CTDNEP1: variants seen among roughly 807,000 people sequenced by gnomAD.
The protein encoded by CTDNEP1 is C-terminal domain nuclear envelope phosphatase 1.
In CTDNEP1, 3 loss-of-function variants were observed where a neutral mutation model predicts 30.1. That is an observed-to-expected ratio of 0.10 (90% confidence interval 0.05 to 0.26). CTDNEP1 has a LOEUF of 0.26. CTDNEP1 is among the 10% of genes least tolerant of loss of function. The pLI, the probability that CTDNEP1 is intolerant of heterozygous loss-of-function variation, is 1.00. For synonymous variants in CTDNEP1, 123 were observed against 118.8 expected (o/e 1.04, Z -0.23); for missense variants, 158 against 310.4 (o/e 0.51, Z 3.69).
Position 7,246,613 on chromosome 17 carries a change from T to C in CTDNEP1, c.360+178A>G. 2.9e-6 allele frequency: 2 copies of C among 681,532 alleles called. No individual in the cohort carries two copies. Among genetic ancestry groups the C allele is most frequent in the East Asian group, 4.9e-5 (2 of 40,404 alleles). The allele number at this position is 681,532 out of a possible 1,614,324, so 42.2% of individuals were successfully genotyped here. Reference sequence around the variant, plus strand: ...AAGATGCCAGCGGAAAAGAATTACATCAGCACAACAAATGAACCCCAAGTA... The same window carrying C: ...AAGATGCCAGCGGAAAAGAATTACACCAGCACAACAAATGAACCCCAAGTA... On this transcript the variant is annotated intron_variant, in intron 4 of 7. Coordinates refer to ENST00000574322, the MANE Select transcript of CTDNEP1 (RefSeq NM_001143775.2). The surrounding 1 kb of genome is among the most constrained non-coding windows in gnomAD (Gnocchi z 4.9).
At chr17:7,245,102 C>G (rs2071818750) in intron 6 of CTDNEP1, among the ~76,000 whole-genome samples, 1 of 152,110 alleles carries the variant, frequency 6.6e-6, no homozygotes, top group Non-Finnish European at 1.5e-5. Flanking sequence ...ACCAGCCTGG[C>G]CAACGTGGTG....
At chr17:7,248,180 G>T (rs970942972) in intron 1 of CTDNEP1, among the ~76,000 whole-genome samples, 3 of 131,654 alleles carry the variant, frequency 2.3e-5, no homozygotes, top group African/African-American at 8.4e-5. Flanking sequence ...AGAGTGGCTT[G>T]AACCCAGGAG....
rs2071805831 is a variant in CTDNEP1 at position 7,243,847 on chromosome 17, C to T, written c.*338G>A. The T allele has an allele frequency of 1.2e-6, 1 of 813,948 alleles. No homozygotes were observed. Among genetic ancestry groups the T allele is most frequent in the Non-Finnish European group, 1.6e-6 (1 of 636,560 alleles). The allele number at this position is 813,948 out of a possible 1,614,324, so 50.4% of individuals were successfully genotyped here. ...TCAAATCACAACAAAGCTGACTTGG[C>T]TTCTCTTTGAGCCTCCTGGATCACC... On this transcript the variant is annotated 3_prime_UTR_variant, in exon 8 of 8. Coordinates refer to ENST00000574322, the MANE Select transcript of CTDNEP1 (RefSeq NM_001143775.2).
chr17:7,246,431 G>C lies in CTDNEP1; in HGVS notation c.361-61C>G. The C allele has an allele frequency of 8.1e-7, 1 of 1,235,226 alleles. No individual in the cohort carries two copies. The allele number at this position is 1,235,226 out of a possible 1,614,324, so 76.5% of individuals were successfully genotyped here. On this transcript the variant is annotated intron_variant, in intron 4 of 7. Transcript: ENST00000574322. This position sits in a 1 kb window ranked among gnomAD's most constrained non-coding sequence, Gnocchi z 4.9. ...AGGTGATGATTCCTTTAGACATACA[G>C]TTATCTTTCAGAAAGGCAATGGCAT...
chr17:7,244,101 C>T lies in CTDNEP1; in HGVS notation c.*84G>A. 1.3e-6 allele frequency: 2 copies of T among 1,589,508 alleles called. No homozygotes were observed. Among genetic ancestry groups the T allele is most frequent in the Admixed American group, 3.4e-5 (2 of 58,652 alleles). On this transcript the variant is annotated 3_prime_UTR_variant, in exon 8 of 8. Transcript: ENST00000574322. ...GCAGACCCTGCCCAGGCAGTCCTCA[C>T]ATTGGACAGGGCATCAGACGGCATC...
At chr17:7,248,400 C>T (rs1376060272) in intron 1 of CTDNEP1, among the ~76,000 whole-genome samples, 4 of 141,676 alleles carry the variant, frequency 2.8e-5, no homozygotes, top group African/African-American at 1.1e-4. Context: ...CACTCCATTG[C>T]CCAGGCTGGA....
chr17:7,250,004 A>G (rs774638826), intron 1 of CTDNEP1, among the ~76,000 whole-genome samples: 7 of 152,048 alleles, frequency 4.6e-5, no homozygotes, highest in Non-Finnish European at 7.4e-5. Flanking sequence ...TCTCGGGGGA[A>G]TAGCGCTGCT....
chr17:7,246,770 C>G lies in CTDNEP1; in HGVS notation c.360+21G>C. ...AACCATTCCTTCATTACAGAGCTCC[C>G]TTTAGCTCTCCAAAACTCACCACTT... On this transcript the variant is annotated intron_variant, in intron 4 of 7. Transcript: ENST00000574322. This position sits in a 1 kb window ranked among gnomAD's most constrained non-coding sequence, Gnocchi z 4.9. 1 of 1,597,646 alleles carries G rather than the reference C, an allele frequency of 6.3e-7. No homozygotes were observed. The highest frequency in any genetic ancestry group is 8.6e-7 in the Non-Finnish European group (1 of 1,165,164).
chr17:7,247,436 G>A (rs1010314060), intron 1 of CTDNEP1, 93 bp from the exon 2 acceptor site: 5 of 924,166 alleles, frequency 5.4e-6, no homozygotes, highest in African/African-American at 4.9e-5. Flanking sequence ...TTTACCACAG[G>A]TACTATGTAT....
chr17:7,247,805 T>TA (rs2071862870), intron 1 of CTDNEP1, among the ~76,000 whole-genome samples: 1 of 152,068 alleles, frequency 6.6e-6, no homozygotes, highest in African/African-American at 2.4e-5. Context: ...ATATTACTGT[T>TA]ATACCTGTTT....
chr17:7,243,864 TG>T lies in CTDNEP1; in HGVS notation c.*320del, dbSNP rs2071806076. On this transcript the variant is annotated 3_prime_UTR_variant, in exon 8 of 8. Transcript: ENST00000574322. ...TGACTTGGCTTCTCTTTGAGCCTCC[TG>T]GATCACCGTATGTCTGTCACTCTGG... 4.0e-6 allele frequency: 4 copies of T among 1,008,864 alleles called. No individual in the cohort carries two copies. The highest frequency in any genetic ancestry group is 5.1e-5 in the East Asian group (1 of 19,418). 62.5% of individuals were successfully genotyped at this position (1,008,864 alleles called of 1,614,324 possible). A position where few individuals can be genotyped will look rare whatever the true frequency, so the allele number is the denominator to read the frequency against.
At position 7,247,086 on chromosome 17, in the gene CTDNEP1, G is replaced by A. The variant is rs759399442; in HGVS notation, c.266C>T (p.Thr89Met). 59 of 1,612,194 alleles carry A rather than the reference G, an allele frequency of 3.7e-5. No homozygotes were observed. The South Asian group carries it at 4.9e-4, about 14-fold the overall frequency. ...GVLRPTVRPG[T>M]PPDFILKVVI... ...CACCTTGAGGATGAAGTCAGGAGGC[G>A]TACCAGGCCGGACTGTGGGCCTCAG... Residue 89 changes from threonine (T) to methionine (M), a missense_variant, in exon 3 of 8, where the codon ACG (threonine) becomes ATG (methionine). Coordinates refer to ENST00000574322, the MANE Select transcript of CTDNEP1 (RefSeq NM_001143775.2).
Position 7,247,060 on chromosome 17 carries a change from A to T in CTDNEP1, c.288+4T>A, listed in dbSNP as rs777180954. 3.0e-5 allele frequency: 48 copies of T among 1,602,764 alleles called. No individual in the cohort carries two copies. Among genetic ancestry groups the T allele is most frequent in the Middle Eastern group, 4.2e-4 (2 of 4,766 alleles). On this transcript the variant is annotated splice_donor_region_variant and intron_variant, in intron 3 of 7. Coordinates refer to ENST00000574322, the MANE Select transcript of CTDNEP1 (RefSeq NM_001143775.2). ...CCATTTCATCACTCCCCACCACCAC[A>T]CACCTTGAGGATGAAGTCAGGAGGC... is the stretch of plus-strand genomic sequence containing the variant.
At position 7,251,413 on chromosome 17, in the gene CTDNEP1, C is replaced by T; in HGVS notation, c.-117G>A. 1 of 595,396 alleles carries T rather than the reference C, an allele frequency of 1.7e-6. No homozygotes were observed. Among genetic ancestry groups the T allele is most frequent in the Non-Finnish European group, 2.6e-6 (1 of 380,792 alleles). 36.9% of individuals were successfully genotyped at this position (595,396 alleles called of 1,614,324 possible). ...CGGGGGCCCCGAGTGGCAGGAGAGG[C>T]TGCAGAGAGGGGCACGGAGCGGGCG... is the stretch of plus-strand genomic sequence containing the variant. On this transcript the variant is annotated 5_prime_UTR_variant, in exon 1 of 8. Transcript: ENST00000574322.
At position 7,246,985 on chromosome 17, in the gene CTDNEP1, C is replaced by T; in HGVS notation, c.288+79G>A. The T allele has an allele frequency of 7.1e-7, 1 of 1,413,114 alleles. No individual in the cohort carries two copies. Among genetic ancestry groups the T allele is most frequent in the Non-Finnish European group, 1.0e-6 (1 of 1,002,258 alleles). 87.5% of individuals were successfully genotyped at this position (1,413,114 alleles called of 1,614,324 possible). A position where few individuals can be genotyped will look rare whatever the true frequency, so the allele number is the denominator to read the frequency against. Reference sequence around the variant, plus strand: ...TGGTGCCAGCGGATGGAGACAGATGCTCTGGGACTGGGAAAGGGAGTCCAG... The same window carrying T: ...TGGTGCCAGCGGATGGAGACAGATGTTCTGGGACTGGGAAAGGGAGTCCAG... On this transcript the variant is annotated intron_variant, in intron 3 of 7. Transcript: ENST00000574322. The surrounding 1 kb of genome is among the most constrained non-coding windows in gnomAD (Gnocchi z 4.9).
intron 1 of CTDNEP1, among the ~76,000 whole-genome samples, chr17:7,250,542 C>A (rs1043832144): frequency 2.0e-5 from 3 of 152,290 alleles, no homozygotes; most frequent in South Asian, 2.1e-4. Context: ...GGGCACAGCA[C>A]CCACCTTGAA....
At chr17:7,250,627 C>T (rs886693080) in intron 1 of CTDNEP1, among the ~76,000 whole-genome samples, 1 of 152,210 alleles carries the variant, frequency 6.6e-6, no homozygotes, top group African/African-American at 2.4e-5. Flanking sequence ...TACCTACACT[C>T]ACACTATGAA....
In CTDNEP1 at chr17:7,247,967, A is replaced by T. The variant is rs114923848; in HGVS notation, c.103-624T>A. Among the ~76,000 whole-genome samples, 1,019 of 152,024 alleles carry T rather than the reference A, an allele frequency of 6.7e-3. 17 individuals carry two copies. The highest frequency in any genetic ancestry group is 0.023 in the African/African-American group (961 of 41,460). Reference sequence around the variant, plus strand: ...ACACAGTAGCAAAAGTGGTCAGTTGATATTAGTAGAATCAGCCAGGCGCAG... The same window carrying T: ...ACACAGTAGCAAAAGTGGTCAGTTGTTATTAGTAGAATCAGCCAGGCGCAG... On this transcript the variant is annotated intron_variant, in intron 1 of 7. Transcript: ENST00000574322.
In CTDNEP1 at chr17:7,244,599, G is replaced by A. The variant is rs1245393180; in HGVS notation, c.626C>T (p.Pro209Leu). The A allele has an allele frequency of 1.2e-6, 2 of 1,613,338 alleles. No individual in the cohort carries two copies. Among genetic ancestry groups the A allele is most frequent in the African/African-American group, 1.3e-5 (1 of 74,854 alleles). The change falls in exon 7 of 8, where the codon CCC becomes CTC. Residue 209 changes from proline to leucine, a missense_variant. Physicochemically the swap from Pro to Leu is moderately conservative, Grantham distance 98. Coordinates refer to ENST00000574322, the MANE Select transcript of CTDNEP1 (RefSeq NM_001143775.2). ...AIPIKSWFSD[P>L]SDTALLNLLP... The stretch of plus-strand genomic sequence containing the variant: ...CAGGTTGAGAAGGGCTGTGTCGCTG[G>A]GGTCACTGAACCAGGATTTGATGGG...
Sources: gnomAD v4.1 joint callset for allele counts (sites outside exome capture counted in the v4.1 genomes callset) on GRCh38, gnomAD v4.1.1 for gene constraint, Gnocchi (gnomAD v3.1) non-coding constraint, MANE v1.5 for transcripts, NCBI Gene and HGNC (gene_info 2026-07-23, HGNC 2026-07-21) for gene names.